The following LRRC37A2 variants were observed in gnomAD, a reference collection of about 807,000 sequenced individuals.
LRRC37A2 encodes the protein leucine rich repeat containing 37 member A2, also known as leucine-rich repeat-containing protein 37A2.
A neutral mutation model predicts 68.8 loss-of-function variants in LRRC37A2; 9 were observed. The ratio of observed to expected loss-of-function variants is 0.13; its 90% CI spans 0.08 to 0.23. The LOEUF (loss-of-function observed/expected upper bound fraction) is 0.23, where lower values mean the gene tolerates loss of function less well. Ranked by LOEUF, LRRC37A2 falls within the 10% of genes least tolerant of loss-of-function variation. LRRC37A2 has a pLI of 1.00. For synonymous variants in LRRC37A2, 63 were observed against 367.6 expected, an observed-to-expected ratio of 0.17 and a Z score of 9.48; for missense variants, 168 against 950.4, an observed-to-expected ratio of 0.18 and a Z score of 10.82.
chr17:46,386,254 A>G, the LRRC37A2 span, among the ~76,000 whole-genome samples: 1 of 110,122 alleles, frequency 9.1e-6, no homozygotes, highest in East Asian at 2.3e-4. Context: ...GCACACCACC[A>G]TGTCCAGCAA....
the LRRC37A2 span, chr17:46,831,634 C>A: frequency 1.3e-5 from 2 of 152,304 alleles, no homozygotes; most frequent in African/African-American, 4.8e-5. Context: ...GCTCTGGAGG[C>A]AGGCAGGTCA....
chr17:46,872,915 T>A, the LRRC37A2 span: 2 of 1,075,856 alleles, frequency 1.9e-6, no homozygotes, highest in Non-Finnish European at 2.5e-6. Context: ...CGGTCCCAAA[T>A]GAGAAGAGTC....
At chr17:47,000,007 A>AAATAATAAAATAAAATAAAATTAAAT in the LRRC37A2 span, among the ~76,000 whole-genome samples, 3 of 12,796 alleles carry the variant, frequency 2.3e-4, no homozygotes, top group East Asian at 6.0e-3. Context: ...TCAAAATAAA[A>AAATAATAAAATAAAATAAAATTAAAT]TAAAATAAAA....
intron 6 of LRRC37A2, among the ~76,000 whole-genome samples, chr17:46,535,055 C>A: frequency 6.7e-6 from 1 of 148,868 alleles, no homozygotes; most frequent in Non-Finnish European, 1.5e-5. Flanking sequence ...CGGGCATGCC[C>A]AGTTATTTTC....
chr17:46,863,256 G>A, the LRRC37A2 span, among the ~76,000 whole-genome samples: 2 of 152,222 alleles, frequency 1.3e-5, no homozygotes, highest in African/African-American at 4.8e-5. Flanking sequence ...CAGCAGGGTG[G>A]GACTGCAGGG....
chr17:46,585,318 GAA>G, the LRRC37A2 span, among the ~76,000 whole-genome samples: 66 of 70,354 alleles, frequency 9.4e-4, no homozygotes, highest in South Asian at 2.0e-3. Flanking sequence ...ACTCCATCTC[GAA>G]AAAAAAAAAA....
the LRRC37A2 span, among the ~76,000 whole-genome samples, chr17:46,848,873 C>T: frequency 6.6e-6 from 1 of 152,188 alleles, no homozygotes. Flanking sequence ...GTCCCAGCCT[C>T]CCAGAGGGCT....
chr17:46,731,096 T>G, the LRRC37A2 span, among the ~76,000 whole-genome samples: 1 of 152,148 alleles, frequency 6.6e-6, no homozygotes, highest in Non-Finnish European at 1.5e-5. Context: ...GCAGCATTAT[T>G]CATAACTAAA....
At chr17:46,873,824 T>C in the LRRC37A2 span, among the ~76,000 whole-genome samples, 1 of 151,980 alleles carries the variant, frequency 6.6e-6, no homozygotes, top group East Asian at 1.9e-4. Flanking sequence ...ACCCCATCTC[T>C]ACTAAAAATA....
chr17:46,944,606 TTTTC>T, the LRRC37A2 span, among the ~76,000 whole-genome samples: 1 of 118,418 alleles, frequency 8.4e-6, no homozygotes, highest in Admixed American at 8.4e-5. Flanking sequence ...GAATTTTTAA[TTTTC>T]TTTTTTTTTT....
the LRRC37A2 span, among the ~76,000 whole-genome samples, chr17:46,869,926 G>A: frequency 6.6e-6 from 1 of 151,968 alleles, no homozygotes; most frequent in South Asian, 2.1e-4. Flanking sequence ...TTGAACCCGG[G>A]AAGTGGAGGT....
the LRRC37A2 span, chr17:46,757,579 A>G: frequency 6.6e-6 from 1 of 152,460 alleles, no homozygotes; most frequent in Non-Finnish European, 1.5e-5. Context: ...GTAGCATAAC[A>G]TGAGGGATGA....
the LRRC37A2 span, among the ~76,000 whole-genome samples, chr17:46,732,337 T>C: frequency 6.6e-6 from 1 of 152,066 alleles, no homozygotes; most frequent in African/African-American, 2.4e-5. Context: ...TATTCTCTTT[T>C]CTCCTTCCAC....
At chr17:46,550,733 G>T (rs886654509) in intron 11 of LRRC37A2, among the ~76,000 whole-genome samples, 1 of 130,008 alleles carries the variant, frequency 7.7e-6, no homozygotes, top group African/African-American at 3.1e-5. Context: ...TCTGTGAATT[G>T]AAACCATGTG....
At chr17:46,773,523 G>A in the LRRC37A2 span, 1 of 927,130 alleles carries the variant, frequency 1.1e-6, no homozygotes, top group Non-Finnish European at 1.6e-6. Flanking sequence ...CTGGGAAGGT[G>A]TGGCAGTCAT....
chr17:46,808,348 A>G, the LRRC37A2 span, among the ~76,000 whole-genome samples: 1 of 152,382 alleles, frequency 6.6e-6, no homozygotes, highest in East Asian at 1.9e-4. Flanking sequence ...CACAAATAGT[A>G]TCTATAAGCC....
chr17:46,987,159 C>T, the LRRC37A2 span, among the ~76,000 whole-genome samples: 2 of 152,142 alleles, frequency 1.3e-5, no homozygotes, highest in South Asian at 4.1e-4. Context: ...AGGAAAATCG[C>T]TTGAACTCGG....
chr17:46,985,025 T>C, the LRRC37A2 span, among the ~76,000 whole-genome samples: 108,562 of 151,844 alleles, frequency 0.71, 39,448 homozygotes, highest in Middle Eastern at 0.78. Context: ...TTTCCTGGAA[T>C]GGGCAAAGGT....
chr17:46,728,941 T>G, the LRRC37A2 span: 1 of 1,487,558 alleles, frequency 6.7e-7, no homozygotes, highest in African/African-American at 1.4e-5. Flanking sequence ...TCAGGTAAAA[T>G]AATACTACTA....
Sources: gnomAD v4.1 joint callset for allele counts (sites outside exome capture counted in the v4.1 genomes callset) on GRCh38, gnomAD v4.1.1 for gene constraint, MANE v1.5 for transcripts, NCBI Gene and HGNC (gene_info 2026-07-23, HGNC 2026-07-21) for gene names.